Variants in TSHZ3 observed in about 807,000 individuals in gnomAD.
TSHZ3 encodes the protein teashirt zinc finger homeobox 3.
In TSHZ3, 10 loss-of-function variants were observed where a neutral mutation model predicts 64.5. The ratio of observed to expected loss-of-function variants is 0.16; its 90% CI spans 0.10 to 0.26. The LOEUF is 0.26. Ranked by LOEUF, TSHZ3 falls within the 10% of genes least tolerant of loss-of-function variation. The pLI is 1.00. For missense variants in TSHZ3, 1,242 were observed against 1,421.7 expected (o/e 0.87, Z 2.03); for synonymous variants, 608 against 593.1 (o/e 1.03, Z -0.36).
intron 1 of TSHZ3, chr19:31,305,534 TC>T (rs1446715291): frequency 6.6e-6 from 1 of 152,184 alleles, no homozygotes; most frequent in Non-Finnish European, 1.5e-5. Flanking sequence ...CTGAGTGAGA[TC>T]CCTGCAGCAG....
At chr19:31,189,414 C>A (rs1603464) in intron 5 of TSHZ3, among the ~76,000 whole-genome samples, 108,470 of 151,708 alleles carry the variant, frequency 0.71, 39,215 homozygotes, top group African/African-American at 0.83. Context: ...GCTGCATCCC[C>A]TAAAATTTAA....
At chr19:31,299,452 A>C (rs1455964316) in intron 1 of TSHZ3, among the ~76,000 whole-genome samples, 3 of 152,192 alleles carry the variant, frequency 2.0e-5, no homozygotes, top group Admixed American at 6.5e-5. Flanking sequence ...TGCTGGTCGC[A>C]ATTGTGGGAT....
rs558960078 is a variant in TSHZ3 at position 31,279,652 on chromosome 19, G to A, written c.141C>T (p.Cys47=). The change falls in exon 2 of 2, where the codon TGC becomes TGT. Residue 47 remains cysteine, a synonymous_variant. Transcript: ENST00000240587. This position sits in a 1 kb window ranked among gnomAD's most constrained non-coding sequence, Gnocchi z 6.4. Reference sequence around the variant, plus strand: ...AGGCCCTGGCGAGCTCCTTCTCCGGGCACATGTACTTGGCCGAGGGCTCTC... The same window carrying A: ...AGGCCCTGGCGAGCTCCTTCTCCGGACACATGTACTTGGCCGAGGGCTCTC... ...ADGEPSAKYM[C]PEKELARACP... is the part of the protein sequence containing the mutation. 3.1e-6 allele frequency: 5 copies of A among 1,608,344 alleles called. No homozygotes were observed. The highest frequency in any genetic ancestry group is 4.2e-6 in the Non-Finnish European group (5 of 1,176,976).
chr19:31,189,759 T>C (rs949036812), intron 5 of TSHZ3, among the ~76,000 whole-genome samples: 3 of 152,142 alleles, frequency 2.0e-5, no homozygotes, highest in Non-Finnish European at 1.5e-5. Context: ...TTGGTTAATA[T>C]TGTTCTTAAA....
chr19:31,186,459 A>G (rs1278091578), intron 5 of TSHZ3, among the ~76,000 whole-genome samples: 1 of 152,174 alleles, frequency 6.6e-6, no homozygotes, highest in Non-Finnish European at 1.5e-5. Flanking sequence ...TGCCACTGCA[A>G]TGTGAAGAAG....
At chr19:31,242,286 G>A (rs540690332) in exon 3 of TSHZ3, among the ~76,000 whole-genome samples, 1 of 152,298 alleles carries the variant, frequency 6.6e-6, no homozygotes, top group South Asian at 2.1e-4. Context: ...TGGAGGCTGA[G>A]AAGTCCTACA....
chr19:31,170,256 C>A (rs957605511), intron 5 of TSHZ3, among the ~76,000 whole-genome samples: 3 of 152,140 alleles, frequency 2.0e-5, no homozygotes, highest in African/African-American at 7.2e-5. Flanking sequence ...TGCAGACAAG[C>A]ACCTCCCTGG....
chr19:31,275,969 G>T lies in TSHZ3; in HGVS notation c.*578C>A. On this transcript the variant is annotated 3_prime_UTR_variant, in exon 2 of 2. Coordinates refer to ENST00000240587, the MANE Select transcript of TSHZ3 (RefSeq NM_020856.4). ...AAATCTATACAATATATACATCTAT[G>T]TTTCAATGTGAAAATAATATTCTTT... The T allele has an allele frequency of 6.6e-6, 1 of 152,592 alleles. No individual in the cohort carries two copies. The allele number at this position is 152,592 out of a possible 1,614,324, so 9.5% of individuals were successfully genotyped here.
At chr19:31,322,977 A>C (rs1254948418) in intron 1 of TSHZ3, among the ~76,000 whole-genome samples, 1 of 152,262 alleles carries the variant, frequency 6.6e-6, no homozygotes, top group African/African-American at 2.4e-5. Context: ...AGAAAAATAA[A>C]AACCCTTACA....
rs1242726848 is a variant in TSHZ3 at position 31,275,040 on chromosome 19, C to T, written c.*1507G>A. On this transcript the variant is annotated 3_prime_UTR_variant, in exon 2 of 2. Transcript: ENST00000240587. ...TCATTGTCAACAACCAAACAGGGCA[C>T]AGAGTGTGTTACGGTGTCTGTGCTG... 1 of 152,526 alleles carries T rather than the reference C, an allele frequency of 6.6e-6. No homozygotes were observed. The highest frequency in any genetic ancestry group is 1.5e-5 in the Non-Finnish European group (1 of 68,030). 9.4% of individuals were successfully genotyped at this position (152,526 alleles called of 1,614,324 possible).
intron 1 of TSHZ3, among the ~76,000 whole-genome samples, chr19:31,256,357 G>A (rs1041443819): frequency 6.6e-6 from 1 of 152,110 alleles, no homozygotes; most frequent in Non-Finnish European, 1.5e-5. Context: ...CTCTCTGCGG[G>A]GGTCCTTTTC....
rs146977018 is a variant in TSHZ3, at chr19:31,181,238, G to A, written n.809+23718C>T. ...ATAAGAAGGTGTCTCATGATTTAGC[G>A]TGATTACCAAAGAGGAAACCCATCC... On this transcript the variant is annotated intron_variant and non_coding_transcript_variant, in intron 5 of 6. Coordinates refer to the TSHZ3 transcript ENST00000651361. Among the ~76,000 whole-genome samples, 32 of 152,210 alleles carry A rather than the reference G, an allele frequency of 2.1e-4. No individual in the cohort carries two copies. The East Asian group carries it at 5.8e-3, about 28-fold the overall frequency.
chr19:31,257,518 G>T (rs1243583793), intron 1 of TSHZ3, among the ~76,000 whole-genome samples: 3 of 152,218 alleles, frequency 2.0e-5, no homozygotes, highest in African/African-American at 7.2e-5. Context: ...GGGCAATGGG[G>T]CTCCACCCCA....
At chr19:31,247,249 AC>A (rs1975768214) in intron 1 of TSHZ3, among the ~76,000 whole-genome samples, 1 of 152,186 alleles carries the variant, frequency 6.6e-6, no homozygotes, top group African/African-American at 2.4e-5. Context: ...TAAGACGCTT[AC>A]TTATTTCAAA....
intron 1 of TSHZ3, among the ~76,000 whole-genome samples, chr19:31,346,891 C>T (rs563249225): frequency 4.0e-5 from 6 of 151,062 alleles, no homozygotes; most frequent in East Asian, 1.9e-4. Context: ...CTCTTCAGTC[C>T]GCCTCCACCC....
intron 5 of TSHZ3, among the ~76,000 whole-genome samples, chr19:31,201,285 A>C (rs1975083154): frequency 6.6e-6 from 1 of 152,142 alleles, no homozygotes; most frequent in African/African-American, 2.4e-5. Context: ...ATGGATGAGA[A>C]AGTTATAAAA....
rs771176409 is a variant in TSHZ3 at position 31,298,653 on chromosome 19, G to T, written c.41-18901C>A. On this transcript the variant is annotated intron_variant, in intron 1 of 1. Transcript: ENST00000240587. ...CTGGGGGTACCTTCTGCACATGATC[G>T]CTGCCCAGCTATAAACCAGCCCGAG... Among the ~76,000 whole-genome samples the T allele has an allele frequency of 5.9e-5, 9 of 152,174 alleles. No individual in the cohort carries two copies. In the South Asian group the frequency reaches 1.7e-3, roughly 28 times the overall value.
chr19:31,313,926 C>A (rs1916531769), intron 1 of TSHZ3, among the ~76,000 whole-genome samples: 1 of 152,222 alleles, frequency 6.6e-6, no homozygotes, highest in South Asian at 2.1e-4. Context: ...AATTGGAAGT[C>A]TTTGCGCCAC....
intron 1 of TSHZ3, among the ~76,000 whole-genome samples, chr19:31,302,430 T>C (rs8108157): frequency 0.31 from 46,406 of 152,100 alleles, 7,870 homozygotes; most frequent in East Asian, 0.45. Flanking sequence ...CACCTGTTCA[T>C]AAGTGGCCAG....
Sources: allele counts gnomAD v4.1 joint callset (sites outside exome capture counted in the v4.1 genomes callset), GRCh38; gene constraint gnomAD v4.1.1; non-coding constraint Gnocchi (gnomAD v3.1); transcripts MANE v1.5; gene names NCBI Gene and HGNC (gene_info 2026-07-23, HGNC 2026-07-21).